MACROD2: variants seen among roughly 807,000 people sequenced by gnomAD.
MACROD2 encodes the protein ADP-ribose glycohydrolase MACROD2.
Under a neutral mutation model 70.4 loss-of-function variants are expected in MACROD2, and 36 were observed. That is an observed-to-expected ratio of 0.51 (90% CI 0.39 to 0.68). MACROD2 has a LOEUF of 0.68. MACROD2 is among the 30% of genes least tolerant of loss of function. The probability of loss-of-function intolerance (pLI) is 0.00; values close to 1 mark genes in which losing one functional copy is unlikely to be tolerated. For missense variants in MACROD2, 496 were observed against 538.4 expected (o/e 0.92, Z 0.78); for synonymous variants, 172 against 178.8 (o/e 0.96, Z 0.30).
chr20:14,118,864 T>TTTA (rs1160771632), intron 3 of MACROD2, among the ~76,000 whole-genome samples: 2 of 149,958 alleles, frequency 1.3e-5, no homozygotes, highest in African/African-American at 4.9e-5. Flanking sequence ...TTTTTTTTTT[T>TTTA]AGACAGAGTC....
In MACROD2 at chr20:14,917,506, GGA is replaced by G. The variant is rs781773408; in HGVS notation, c.418+232548_418+232549del. ...CACTTGGCCTTTGATTTCCATCCAG[GGA>G]ACTCCCTCCACCTGTCTATGAGAGA... On this transcript the variant is annotated intron_variant, in intron 5 of 17. Transcript: ENST00000684519. Among the ~76,000 whole-genome samples, 100 of 152,002 alleles carry G rather than the reference GGA, an allele frequency of 6.6e-4. 1 individual carries two copies. Among genetic ancestry groups the G allele is most frequent in the Admixed American group, 3.8e-3 (58 of 15,272 alleles).
chr20:14,842,147 C>T (rs1477987743), intron 5 of MACROD2, among the ~76,000 whole-genome samples: 3 of 152,004 alleles, frequency 2.0e-5, no homozygotes, highest in Non-Finnish European at 4.4e-5. Context: ...ATGGCGAGAC[C>T]GACCGTTCTC....
intron 3 of MACROD2, among the ~76,000 whole-genome samples, chr20:14,189,356 T>C (rs1012099511): frequency 3.3e-5 from 5 of 152,226 alleles, no homozygotes; most frequent in African/African-American, 7.2e-5. Context: ...ACCAAAAATA[T>C]TGCTTTTTCA....
chr20:15,679,689 T>C (rs1284827799), intron 8 of MACROD2, among the ~76,000 whole-genome samples: 1 of 152,004 alleles, frequency 6.6e-6, no homozygotes, highest in Non-Finnish European at 1.5e-5. Flanking sequence ...AGAGGGACCA[T>C]GCAAAGAAGC....
chr20:15,122,295 A>C (rs1410214317), intron 5 of MACROD2, among the ~76,000 whole-genome samples: 1 of 152,180 alleles, frequency 6.6e-6, no homozygotes, highest in Admixed American at 6.5e-5. Context: ...GTTTGAAGGC[A>C]CATTCCACCA....
intron 5 of MACROD2, among the ~76,000 whole-genome samples, chr20:15,108,264 T>A (rs1387845884): frequency 6.6e-6 from 1 of 152,174 alleles, no homozygotes; most frequent in African/African-American, 2.4e-5. Flanking sequence ...TACTAAGCAA[T>A]GAATAAAGGG....
intron 2 of MACROD2, among the ~76,000 whole-genome samples, chr20:14,011,383 A>G (rs2052903608): frequency 6.6e-6 from 1 of 152,134 alleles, no homozygotes; most frequent in Non-Finnish European, 1.5e-5. Flanking sequence ...TATTTGCGTA[A>G]AACAGCCTGT....
intron 5 of MACROD2, among the ~76,000 whole-genome samples, chr20:15,009,772 A>AT (rs79069561): frequency 0.1 from 11,750 of 117,870 alleles, 534 homozygotes; most frequent in Middle Eastern, 0.13. Flanking sequence ...CCACCTCCCT[A>AT]TTTTTTTTTT....
At chr20:14,064,704 A>G (rs113561657) in intron 2 of MACROD2, among the ~76,000 whole-genome samples, 13 of 152,248 alleles carry the variant, frequency 8.5e-5, no homozygotes, top group African/African-American at 3.1e-4. Flanking sequence ...CTCCCTTTCA[A>G]TCCTACTTAT....
At chr20:16,016,296 G>T (rs376025864) in intron 15 of MACROD2, among the ~76,000 whole-genome samples, 1 of 152,130 alleles carries the variant, frequency 6.6e-6, no homozygotes, top group Non-Finnish European at 1.5e-5. Flanking sequence ...TCTTGTCAGT[G>T]TTGGACTGTG....
At chr20:15,045,733 T>TG (rs983009706) in intron 5 of MACROD2, among the ~76,000 whole-genome samples, 1 of 146,978 alleles carries the variant, frequency 6.8e-6, no homozygotes, top group East Asian at 2.0e-4. Flanking sequence ...TTTTTTTTTT[T>TG]TTTTTTTTTT....
chr20:15,134,915 A>G (rs2076135040), intron 5 of MACROD2, among the ~76,000 whole-genome samples: 1 of 152,176 alleles, frequency 6.6e-6, no homozygotes, highest in Non-Finnish European at 1.5e-5. Context: ...ACAAACTACC[A>G]TCAGAGAATA....
chr20:14,292,910 C>G (rs1303373836), intron 3 of MACROD2, among the ~76,000 whole-genome samples: 2 of 151,934 alleles, frequency 1.3e-5, no homozygotes, highest in African/African-American at 4.8e-5. Flanking sequence ...GCTGGGATTA[C>G]AGGCATGAGC....
At chr20:15,915,453 T>G (rs780087965) in intron 10 of MACROD2, among the ~76,000 whole-genome samples, 4 of 152,226 alleles carry the variant, frequency 2.6e-5, no homozygotes, top group Non-Finnish European at 5.9e-5. Context: ...CTTATTTATA[T>G]CACAGTATCA....
At chr20:14,023,750 T>C (rs545220139) in intron 2 of MACROD2, among the ~76,000 whole-genome samples, 1 of 152,302 alleles carries the variant, frequency 6.6e-6, no homozygotes, top group East Asian at 1.9e-4. Context: ...TTCTGTATTA[T>C]TGGTCTATAT....
intron 5 of MACROD2, among the ~76,000 whole-genome samples, chr20:15,212,174 C>T (rs2076769849): frequency 6.6e-6 from 1 of 152,166 alleles, no homozygotes; most frequent in South Asian, 2.1e-4. Context: ...ATTTCTCAAA[C>T]CCTTCTTTGA....
chr20:14,416,214 C>A (rs543319787), intron 3 of MACROD2, among the ~76,000 whole-genome samples: 2 of 152,128 alleles, frequency 1.3e-5, no homozygotes, highest in Admixed American at 6.5e-5. Context: ...TCCTTGGTCC[C>A]CCAAAGTGCT....
intron 7 of MACROD2, among the ~76,000 whole-genome samples, chr20:15,454,406 AACACACAC>A (rs10523169): frequency 0.014 from 1,939 of 137,486 alleles, 26 homozygotes; most frequent in African/African-American, 0.037. Context: ...GACATATTCA[AACACACAC>A]ACACACACAC....
intron 5 of MACROD2, among the ~76,000 whole-genome samples, chr20:15,048,121 A>AAATAAATAAATAAATAAATAAAT (rs562714078): frequency 0.056 from 8,316 of 149,664 alleles, 335 homozygotes; most frequent in Non-Finnish European, 0.075. Flanking sequence ...AATAAATAAT[A>AAATAAATAAATAAATAAATAAAT]AAAAATTAGC....
Sources: allele counts gnomAD v4.1 joint callset (sites outside exome capture counted in the v4.1 genomes callset), GRCh38; gene constraint gnomAD v4.1.1; transcripts MANE v1.5; gene names NCBI Gene and HGNC (gene_info 2026-07-23, HGNC 2026-07-21).